TRAPPC13: variants seen among roughly 807,000 people sequenced by gnomAD.
TRAPPC13 encodes trafficking protein particle complex subunit 13, also known as REV7-interacting novel NHEJ regulator 1.
Under a neutral mutation model 54.0 loss-of-function variants are expected in TRAPPC13, and 39 were observed. The observed-to-expected ratio is 0.72, with a 90% CI of 0.56 to 0.94. TRAPPC13 has a LOEUF of 0.94. TRAPPC13 is among the 40% of genes least tolerant of loss of function. TRAPPC13 has a pLI of 0.00. For missense variants in TRAPPC13, 386 were observed against 488.1 expected, an observed-to-expected ratio of 0.79 and a Z score of 1.97; for synonymous variants, 148 against 167.7, an observed-to-expected ratio of 0.88 and a Z score of 0.91.
chr5:65,656,552 CATTAT>C (rs1379054310), intron 8 of TRAPPC13, among the ~76,000 whole-genome samples: 2 of 151,962 alleles, frequency 1.3e-5, no homozygotes, highest in Non-Finnish European at 2.9e-5. Context: ...GATAATAGTA[CATTAT>C]ATTATAACTT....
chr5:65,653,564 A>G (rs564522648), intron 7 of TRAPPC13, among the ~76,000 whole-genome samples: 1 of 152,336 alleles, frequency 6.6e-6, no homozygotes, highest in Non-Finnish European at 1.5e-5. Context: ...AGTGAGAATG[A>G]TACGAAAAGA....
At chr5:65,649,557 G>A (rs181903309) in intron 5 of TRAPPC13, among the ~76,000 whole-genome samples, 6 of 152,218 alleles carry the variant, frequency 3.9e-5, no homozygotes, top group Non-Finnish European at 7.4e-5. Flanking sequence ...ATTTTAACGT[G>A]TTTCTCTGAC....
chr5:65,637,820 A>G (rs1412792039), intron 4 of TRAPPC13, 40 bp downstream of exon 4: 2 of 1,335,996 alleles, frequency 1.5e-6, no homozygotes, highest in Non-Finnish European at 2.1e-6. Flanking sequence ...TTAGTCTTTA[A>G]CAAAGGTTTT....
intron 1 of TRAPPC13, chr5:65,629,908 A>G (rs1349045761): frequency 2.6e-6 from 4 of 1,536,122 alleles, no homozygotes; most frequent in African/African-American, 1.4e-5. Context: ...GGTCACACAC[A>G]CTGAAGGAAC....
intron 10 of TRAPPC13, chr5:65,661,400 GCTTCTTTTTC>G (rs1756847998): frequency 6.6e-6 from 1 of 152,404 alleles, no homozygotes; most frequent in Non-Finnish European, 1.5e-5. Context: ...TAGCTACCAG[GCTTCTTTTTC>G]TTATGCTTGT....
chr5:65,628,357 A>G (rs957417913), intron 1 of TRAPPC13, among the ~76,000 whole-genome samples: 1 of 152,212 alleles, frequency 6.6e-6, no homozygotes, highest in African/African-American at 2.4e-5. Context: ...GTTAAACCAT[A>G]TTAGCAAAGT....
intron 8 of TRAPPC13, among the ~76,000 whole-genome samples, chr5:65,657,502 T>A (rs1342936612): frequency 6.6e-6 from 1 of 152,216 alleles, no homozygotes; most frequent in Admixed American, 6.5e-5. Flanking sequence ...CCTTAGTGTA[T>A]CATTTTTCAT....
At chr5:65,635,445 G>A in intron 2 of TRAPPC13, 76 bp downstream of exon 2, 2 of 1,155,624 alleles carry the variant, frequency 1.7e-6, no homozygotes, top group Non-Finnish European at 2.5e-6. Context: ...CTTGGACTAA[G>A]CCTAGCCCTG....
In TRAPPC13 at chr5:65,664,789, T is replaced by C; in HGVS notation, c.*178T>C. ...AGATCTGATTTTATCTTGTAATTTA[T>C]ATTTGAAATGAACATGTGTATATTT... On this transcript the variant is annotated 3_prime_UTR_variant, in exon 13 of 13. Transcript: ENST00000399438. 1 of 600,380 alleles carries C rather than the reference T, an allele frequency of 1.7e-6. No individual in the cohort carries two copies. The highest frequency in any genetic ancestry group is 1.9e-5 in the African/African-American group (1 of 52,614). 37.2% of individuals were successfully genotyped at this position (600,380 alleles called of 1,614,324 possible).
intron 11 of TRAPPC13, 43 bp from the exon 12 acceptor site, chr5:65,664,194 A>C: frequency 6.3e-7 from 1 of 1,581,058 alleles, no homozygotes; most frequent in Non-Finnish European, 8.6e-7. Context: ...CCTCTTTGTG[A>C]AATGAACAAG....
intron 1 of TRAPPC13, among the ~76,000 whole-genome samples, chr5:65,631,574 T>G (rs1030160481): frequency 2.6e-4 from 39 of 152,202 alleles, no homozygotes; most frequent in Non-Finnish European, 5.0e-4. Context: ...CTGTTTTTTG[T>G]GTCCATGTAT....
At chr5:65,634,495 T>G (rs1434504687) in intron 1 of TRAPPC13, among the ~76,000 whole-genome samples, 1 of 152,220 alleles carries the variant, frequency 6.6e-6, no homozygotes, top group Non-Finnish European at 1.5e-5. Context: ...TTAGACACAT[T>G]CTGTCATGTT....
chr5:65,663,477 C>T (rs1756912380), intron 11 of TRAPPC13: 3 of 151,900 alleles, frequency 2.0e-5, no homozygotes, highest in Admixed American at 1.3e-4. Context: ...CAGGCATATA[C>T]AAGTTAATAT....
chr5:65,646,540 T>C (rs1394871185), intron 4 of TRAPPC13, among the ~76,000 whole-genome samples: 2 of 152,174 alleles, frequency 1.3e-5, no homozygotes, highest in African/African-American at 4.8e-5. Context: ...CCTTTTTTTT[T>C]CTCTGAAGGT....
At chr5:65,648,383 A>C (rs1581223286) in intron 5 of TRAPPC13, among the ~76,000 whole-genome samples, 1 of 113,136 alleles carries the variant, frequency 8.8e-6, no homozygotes, top group Non-Finnish European at 2.0e-5. Context: ...TTTCGTATTT[A>C]CTTATTGAGT....
At position 65,664,370 on chromosome 5, in the gene TRAPPC13, G is replaced by T; in HGVS notation, c.1132G>T (p.Val378Leu). 1 of 1,612,062 alleles carries T rather than the reference G, an allele frequency of 6.2e-7. No individual in the cohort carries two copies. Among genetic ancestry groups the T allele is most frequent in the South Asian group, 1.1e-5 (1 of 90,600 alleles). The change falls in exon 12 of 13, where the codon GTA becomes TTA. Residue 378 changes from valine to leucine, a missense_variant. Physicochemically the swap from Val to Leu is conservative, Grantham distance 32. Coordinates refer to ENST00000399438, the MANE Select transcript of TRAPPC13 (RefSeq NM_024941.4). ...LCLALTLLSS[V>L]QGLQSISGLR... ...TCTTGCCCTTACTCTGCTTTCTTCA[G>T]TACAGGGACTGCAAGTATGCTGTCT...
chr5:65,625,119 G>C lies in TRAPPC13; in HGVS notation c.46+13G>C, dbSNP rs779274175. ...CTGGCGCTAAAAGGTAAACTTTTGCGAACCTGATTCCCCCTTTTCTGTTTC... is the reference window on the plus strand; with the variant it reads ...CTGGCGCTAAAAGGTAAACTTTTGCCAACCTGATTCCCCCTTTTCTGTTTC... On this transcript the variant is annotated intron_variant, in intron 1 of 12. Transcript: ENST00000399438. 6.2e-6 allele frequency: 10 copies of C among 1,609,838 alleles called. No homozygotes were observed. In the South Asian group the frequency reaches 9.9e-5, roughly 16 times the overall value.
chr5:65,638,400 G>T (rs1159907288), intron 4 of TRAPPC13, among the ~76,000 whole-genome samples: 7 of 152,180 alleles, frequency 4.6e-5, no homozygotes. Context: ...TGGAGATTAT[G>T]TCAATCTGGA....
chr5:65,635,260 AGTATTAAT>A, intron 1 of TRAPPC13, 33 bp from the exon 2 acceptor site: 2 of 1,524,028 alleles, frequency 1.3e-6, no homozygotes, highest in South Asian at 2.3e-5. Flanking sequence ...AACCCTAAGC[AGTATTAAT>A]GTTTTGTTTT....
Sources: allele counts gnomAD v4.1 joint callset (sites outside exome capture counted in the v4.1 genomes callset), GRCh38; gene constraint gnomAD v4.1.1; transcripts MANE v1.5; gene names NCBI Gene and HGNC (gene_info 2026-07-23, HGNC 2026-07-21).